Variants in CLYBL observed in about 807,000 individuals in gnomAD.
CLYBL encodes citramalyl-CoA lyase.
In CLYBL, 31 loss-of-function variants were observed where a neutral mutation model predicts 38.9. The observed-to-expected ratio is 0.80, with a 90% CI of 0.60 to 1.08. CLYBL has a LOEUF of 1.08. CLYBL is among the 50% of genes least tolerant of loss of function. The probability of loss-of-function intolerance (pLI) is 0.00; values close to 1 mark genes in which losing one functional copy is unlikely to be tolerated. For missense variants in CLYBL, 434 were observed against 411.6 expected (o/e 1.05, Z -0.47); for synonymous variants, 171 against 158.6 (o/e 1.08, Z -0.59).
At chr13:99,845,744 T>TAGCC (rs2051188015) in intron 2 of CLYBL, among the ~76,000 whole-genome samples, 1 of 152,190 alleles carries the variant, frequency 6.6e-6, no homozygotes, top group Non-Finnish European at 1.5e-5. Flanking sequence ...CCCGGGGGCC[T>TAGCC]GGTCCTTGCT....
intron 1 of CLYBL, among the ~76,000 whole-genome samples, chr13:99,698,784 A>G (rs964453431): frequency 6.6e-6 from 1 of 152,212 alleles, no homozygotes; most frequent in Non-Finnish European, 1.5e-5. Context: ...AATTGTCAAA[A>G]AGATTAATTG....
exon 10 of CLYBL, among the ~76,000 whole-genome samples, chr13:99,908,375 G>A (rs2052718604): frequency 6.6e-6 from 1 of 152,190 alleles, no homozygotes; most frequent in Non-Finnish European, 1.5e-5. Flanking sequence ...CTACAGGCCA[G>A]CCTTCAAAGA....
At chr13:99,824,819 T>C (rs1306061629) in intron 2 of CLYBL, among the ~76,000 whole-genome samples, 1 of 152,242 alleles carries the variant, frequency 6.6e-6, no homozygotes, top group Non-Finnish European at 1.5e-5. Context: ...CAGAAGTGTT[T>C]AATCCAAAGT....
intron 2 of CLYBL, among the ~76,000 whole-genome samples, chr13:99,818,168 C>T (rs139649138): frequency 6.6e-6 from 1 of 152,264 alleles, no homozygotes; most frequent in African/African-American, 2.4e-5. Flanking sequence ...GATCAGTCAG[C>T]TGGTTACCAG....
intron 1 of CLYBL, among the ~76,000 whole-genome samples, chr13:99,701,240 G>A (rs1321410960): frequency 1.3e-5 from 2 of 152,208 alleles, no homozygotes; most frequent in Non-Finnish European, 2.9e-5. Context: ...ATCAGGAAAT[G>A]TTACCTCTTT....
intron 1 of CLYBL, among the ~76,000 whole-genome samples, chr13:99,754,087 C>CA (rs71121003): frequency 0.017 from 774 of 45,346 alleles, 143 homozygotes; most frequent in African/African-American, 0.039. Flanking sequence ...AACTCGGTCT[C>CA]AAAAAAAAAA....
chr13:99,651,037 C>T (rs75542416), intron 1 of CLYBL, among the ~76,000 whole-genome samples: 4 of 152,338 alleles, frequency 2.6e-5, no homozygotes, highest in East Asian at 1.9e-4. Flanking sequence ...GAGCCCTCCT[C>T]TCATCTTCCT....
chr13:99,754,748 C>T (rs1248991786), intron 1 of CLYBL, among the ~76,000 whole-genome samples: 3 of 124,452 alleles, frequency 2.4e-5, no homozygotes, highest in African/African-American at 3.0e-5. Flanking sequence ...CCATGCCCAG[C>T]TTTTTTTTTT....
rs74788136 is a variant in CLYBL, at chr13:99,735,493, G to C, written c.63-37331G>C. On this transcript the variant is annotated intron_variant, in intron 1 of 8. Coordinates refer to ENST00000339105, the MANE Select transcript of CLYBL (RefSeq NM_206808.5). ...TTATAGGTGTGAGCCACCACACCCA[G>C]CATTTTTTTTTTTTTAAGAGTGAAG... Among the ~76,000 whole-genome samples the C allele has an allele frequency of 2.0e-5, 3 of 151,440 alleles. No homozygotes were observed. In the East Asian group the frequency reaches 5.8e-4, roughly 29 times the overall value.
chr13:99,700,175 G>A (rs1220548379), intron 1 of CLYBL, among the ~76,000 whole-genome samples: 3 of 151,504 alleles, frequency 2.0e-5, no homozygotes, highest in East Asian at 3.9e-4. Context: ...CACCAAGGCC[G>A]GGTGCAGTGG....
intron 2 of CLYBL, among the ~76,000 whole-genome samples, chr13:99,807,849 TGGGCCTAA>T (rs756191387): frequency 6.6e-6 from 1 of 152,110 alleles, no homozygotes; most frequent in Non-Finnish European, 1.5e-5. Context: ...AAAAATAACT[TGGGCCTAA>T]TCTAGGATAT....
At chr13:99,789,164 A>C (rs2049863293) in intron 2 of CLYBL, among the ~76,000 whole-genome samples, 1 of 152,002 alleles carries the variant, frequency 6.6e-6, no homozygotes. Flanking sequence ...GGATTCATTG[A>C]TTTTTTGAAG....
chr13:99,716,848 A>G (rs2048324620), intron 1 of CLYBL, among the ~76,000 whole-genome samples: 1 of 138,298 alleles, frequency 7.2e-6, no homozygotes, highest in Admixed American at 7.4e-5. Flanking sequence ...CTGGAGTGCA[A>G]TGGCACGATC....
At chr13:99,821,344 T>C (rs2050584283) in intron 2 of CLYBL, among the ~76,000 whole-genome samples, 1 of 152,254 alleles carries the variant, frequency 6.6e-6, no homozygotes, top group East Asian at 1.9e-4. Flanking sequence ...GCCCAGCACC[T>C]AACCGTGCCT....
At chr13:99,858,061 A>G (rs1192273758) in intron 2 of CLYBL, among the ~76,000 whole-genome samples, 1 of 152,102 alleles carries the variant, frequency 6.6e-6, no homozygotes, top group East Asian at 1.9e-4. Context: ...TTCTCTCCCC[A>G]ACCCCACCTT....
intron 7 of CLYBL, among the ~76,000 whole-genome samples, chr13:99,888,674 G>A (rs1924108): frequency 0.59 from 90,013 of 152,008 alleles, 27,178 homozygotes; most frequent in African/African-American, 0.67. Context: ...AATCGAACCC[G>A]GGAGGCGGAG....
At chr13:99,902,784 G>A (rs7992643) in intron 8 of CLYBL, among the ~76,000 whole-genome samples, 5 of 152,068 alleles carry the variant, frequency 3.3e-5, no homozygotes, top group Non-Finnish European at 5.9e-5. Context: ...CCTTTTAAGT[G>A]AAGCATTCCC....
At chr13:99,713,715 G>A (rs568606732) in intron 1 of CLYBL, among the ~76,000 whole-genome samples, 17 of 152,050 alleles carry the variant, frequency 1.1e-4, no homozygotes, top group Admixed American at 1.1e-3. Flanking sequence ...AAAGGGTCTT[G>A]CTCTGTTGCC....
intron 2 of CLYBL, among the ~76,000 whole-genome samples, chr13:99,814,608 G>A (rs1594199306): frequency 6.6e-6 from 1 of 151,834 alleles, no homozygotes; most frequent in South Asian, 2.1e-4. Flanking sequence ...TTCACCTGTG[G>A]CCCCAGCCAC....
Sources: gnomAD v4.1 joint callset for allele counts (sites outside exome capture counted in the v4.1 genomes callset) on GRCh38, gnomAD v4.1.1 for gene constraint, MANE v1.5 for transcripts, NCBI Gene and HGNC (gene_info 2026-07-23, HGNC 2026-07-21) for gene names.